HDLBP: variants seen among roughly 807,000 people sequenced by gnomAD.
HDLBP encodes the protein high density lipoprotein binding protein.
A neutral mutation model predicts 137.3 loss-of-function variants in HDLBP; 30 were observed. The observed-to-expected ratio is 0.22, with a 90% CI of 0.16 to 0.30. The LOEUF is 0.30. HDLBP is among the 10% of genes least tolerant of loss of function. HDLBP has a pLI of 1.00. For missense variants in HDLBP, 1,119 were observed against 1,667.3 expected (o/e 0.67, Z 5.73); for synonymous variants, 606 against 596.0 (o/e 1.02, Z -0.24).
Position 241,246,608 on chromosome 2 carries a change from A to G in HDLBP, c.1950+144T>C, listed in dbSNP as rs901464240. ...AAGGCAGAAAACTGCTGACCAACTC[A>G]TCAGTAGCCTGGATTGAAAGGTGCA... On this transcript the variant is annotated intron_variant, in intron 16 of 27. Coordinates refer to ENST00000310931, the MANE Select transcript of HDLBP (RefSeq NM_005336.6). The G allele has an allele frequency of 7.6e-6, 6 of 791,732 alleles. No homozygotes were observed. The African/African-American group carries it at 1.0e-4, about 14-fold the overall frequency. The allele number at this position is 791,732 out of a possible 1,614,324, so 49.0% of individuals were successfully genotyped here. A position where few individuals can be genotyped will look rare whatever the true frequency, so the allele number is the denominator to read the frequency against.
chr2:241,227,424 G>A lies in HDLBP; in HGVS notation c.*2177C>T, dbSNP rs150128377. 8 of 152,706 alleles carry A rather than the reference G, an allele frequency of 5.2e-5. No individual in the cohort carries two copies. The East Asian group carries it at 1.2e-3, about 22-fold the overall frequency. The allele number at this position is 152,706 out of a possible 1,614,324, so 9.5% of individuals were successfully genotyped here. ...GGGATGGATTGTAGCTATGGAAACA[G>A]ATGATATGGAAGACATCCAACAAGG... On this transcript the variant is annotated 3_prime_UTR_variant, in exon 28 of 28. Transcript: ENST00000310931.
Position 241,230,716 on chromosome 2 carries a change from G to T in HDLBP, c.3474+43C>A. 6.4e-7 allele frequency: 1 copy of T among 1,574,358 alleles called. No homozygotes were observed. Among genetic ancestry groups the T allele is most frequent in the Non-Finnish European group, 8.7e-7 (1 of 1,146,508 alleles). On this transcript the variant is annotated intron_variant, in intron 25 of 27. Transcript: ENST00000310931. The surrounding 1 kb of genome is among the most constrained non-coding windows in gnomAD (Gnocchi z 5.0). ...TTCTTCTGGCCAGCCAGGTGCCCCC[G>T]GTGAGAGAGGATTCTCACCCACTGT...
At chr2:241,266,627 C>A in intron 3 of HDLBP, 167 bp downstream of exon 3, 1 of 600,940 alleles carries the variant, frequency 1.7e-6, no homozygotes, top group South Asian at 2.0e-5. Flanking sequence ...GCCAGTCGCC[C>A]CTGCACGCAC....
chr2:241,299,783 C>T (rs543749213), intron 1 of HDLBP, among the ~76,000 whole-genome samples: 98 of 152,042 alleles, frequency 6.4e-4, no homozygotes, highest in Non-Finnish European at 1.1e-3. Context: ...CACATGATGG[C>T]GGGCACCCAT....
chr2:241,314,202 T>C (rs1440374271), intron 1 of HDLBP, among the ~76,000 whole-genome samples: 1 of 151,600 alleles, frequency 6.6e-6, no homozygotes, highest in Non-Finnish European at 1.5e-5. Flanking sequence ...CATCCTAATA[T>C]CATGTGTACT....
Position 241,238,838 on chromosome 2 carries a change from T to G in HDLBP, c.2611-51A>C, listed in dbSNP as rs2070879905. The G allele has an allele frequency of 6.9e-6, 10 of 1,454,224 alleles. No homozygotes were observed. The highest frequency in any genetic ancestry group is 8.3e-6 in the Non-Finnish European group (9 of 1,086,010). The allele number at this position is 1,454,224 out of a possible 1,614,324, so 90.1% of individuals were successfully genotyped here. A position where few individuals can be genotyped will look rare whatever the true frequency, so the allele number is the denominator to read the frequency against. ...AGAAAAGAGCAAAGATTAAATTCCT[T>G]AGGGCAAGTTTTACAGCACTCTTCA... On this transcript the variant is annotated intron_variant, in intron 19 of 27. Coordinates refer to ENST00000310931, the MANE Select transcript of HDLBP (RefSeq NM_005336.6). The surrounding 1 kb of genome is among the most constrained non-coding windows in gnomAD (Gnocchi z 4.9).
chr2:241,259,201 G>C (rs1280169619), intron 5 of HDLBP, among the ~76,000 whole-genome samples: 1 of 152,104 alleles, frequency 6.6e-6, no homozygotes, highest in Non-Finnish European at 1.5e-5. Flanking sequence ...AAGAAAAAAA[G>C]CAAGGCATAG....
chr2:241,251,639 G>A (rs989394215), intron 11 of HDLBP, among the ~76,000 whole-genome samples: 10 of 152,182 alleles, frequency 6.6e-5, no homozygotes, highest in African/African-American at 1.4e-4. Context: ...CAGAACACGC[G>A]AGTGTGTGAG....
At position 241,228,977 on chromosome 2, in the gene HDLBP, AC is replaced by A. The variant is rs1232610586; in HGVS notation, c.*623del. 3.9e-5 allele frequency: 6 copies of A among 152,766 alleles called. No individual in the cohort carries two copies. The East Asian group carries it at 1.2e-3, about 30-fold the overall frequency. The allele number at this position is 152,766 out of a possible 1,614,324, so 9.5% of individuals were successfully genotyped here. ...GGGCAGGGACCCTTGGTGCTTTCAG[AC>A]CCCACGGCAGGTAAAATCAGGACTG... On this transcript the variant is annotated 3_prime_UTR_variant, in exon 28 of 28. Transcript: ENST00000310931.
chr2:241,230,944 G>T lies in HDLBP; in HGVS notation c.3289C>A (p.Pro1097Thr). The change falls in exon 25 of 28, where the codon CCC (proline) becomes ACC (threonine). Residue 1097 changes from proline to threonine, a missense_variant and splice_region_variant. Pro to Thr is a conservative substitution (Grantham distance 38). Coordinates refer to ENST00000310931, the MANE Select transcript of HDLBP (RefSeq NM_005336.6). The surrounding 1 kb of genome is among the most constrained non-coding windows in gnomAD (Gnocchi z 5.0). ...QFPDKDDGNQ[P>T]QDQITITGYE... is the part of the protein sequence containing the mutation. ...CCTGTGATGGTAATTTGGTCCTGGG[G>T]CTAAAAAAGGAGAATGTAGTCAGAA... 1.2e-6 allele frequency: 2 copies of T among 1,611,662 alleles called. No individual in the cohort carries two copies. The highest frequency in any genetic ancestry group is 1.7e-6 in the Non-Finnish European group (2 of 1,177,896).
chr2:241,282,741 C>T (rs902089760), intron 1 of HDLBP, among the ~76,000 whole-genome samples: 6 of 152,172 alleles, frequency 3.9e-5, no homozygotes, highest in Non-Finnish European at 8.8e-5. Flanking sequence ...CACGCTCATA[C>T]AAGGCAGAGA....
intron 1 of HDLBP, among the ~76,000 whole-genome samples, chr2:241,304,679 A>G (rs2075510583): frequency 6.6e-6 from 1 of 152,250 alleles, no homozygotes; most frequent in South Asian, 2.1e-4. Context: ...ACAACTTTAC[A>G]GCGTGTATTT....
At chr2:241,286,715 T>G (rs28720077) in intron 1 of HDLBP, among the ~76,000 whole-genome samples, 9,221 of 152,134 alleles carry the variant, frequency 0.061, 946 homozygotes, top group African/African-American at 0.21. Flanking sequence ...CTAAATTAAC[T>G]GAGACTTGTC....
chr2:241,269,788 G>C (rs2073923396), intron 1 of HDLBP, among the ~76,000 whole-genome samples: 1 of 152,150 alleles, frequency 6.6e-6, no homozygotes, highest in Admixed American at 6.5e-5. Flanking sequence ...CCAAGTGTCT[G>C]TCCAGTCTGG....
In HDLBP at chr2:241,255,110, G is replaced by A; in HGVS notation, c.1129C>T (p.Arg377Cys). Residue 377 changes from arginine (R) to cysteine (C), a missense_variant, in exon 9 of 28, where the codon CGT becomes TGT. By Grantham distance (180) the Arg-to-Cys change is radical. Coordinates refer to ENST00000310931, the MANE Select transcript of HDLBP (RefSeq NM_005336.6). ...TGCCCTTTCTTGCCAATGATGAAAC[G>A]GTGAAGCCAGGAAGGGGCGGCGACA... ...SSVAAPSWLHRFIIGKKGQNL... is the reference protein window; with the variant it reads ...SSVAAPSWLHCFIIGKKGQNL... The A allele has an allele frequency of 3.1e-6, 5 of 1,614,134 alleles. No homozygotes were observed. The highest frequency in any genetic ancestry group is 4.2e-6 in the Non-Finnish European group (5 of 1,180,016).
intron 1 of HDLBP, among the ~76,000 whole-genome samples, chr2:241,294,405 G>C (rs1396204288): frequency 6.6e-6 from 1 of 152,188 alleles, no homozygotes; most frequent in Non-Finnish European, 1.5e-5. Flanking sequence ...ATGAGTAGAT[G>C]TTGCAGAGAT....
intron 1 of HDLBP, among the ~76,000 whole-genome samples, chr2:241,271,323 A>G (rs904747385): frequency 2.6e-5 from 4 of 152,344 alleles, no homozygotes; most frequent in African/African-American, 9.6e-5. Flanking sequence ...CCAAAGCAAA[A>G]AAGGTCACAT....
chr2:241,236,992 G>T (rs914528592), intron 20 of HDLBP, among the ~76,000 whole-genome samples: 2 of 140,602 alleles, frequency 1.4e-5, no homozygotes, highest in African/African-American at 2.6e-5. Flanking sequence ...GGGGGGGGGG[G>T]GGCGGCAATG....
Position 241,235,181 on chromosome 2 carries a change from G to T in HDLBP, c.3084C>A (p.Asp1028Glu). ...GCTCCAGCAGTCCAGCCTTGGCCCG[G>T]TCCAAATTTGCAGCGAGGCCCGTGA... The part of the protein sequence containing the change: ...IAITGLAANL[D>E]RAKAGLLERV... The change falls in exon 23 of 28, where the codon GAC (aspartate) becomes GAA (glutamate). Residue 1028 changes from aspartate (D) to glutamate (E), a missense_variant. By Grantham distance (45) the Asp-to-Glu change is conservative. Transcript: ENST00000310931. 6.2e-7 allele frequency: 1 copy of T among 1,614,174 alleles called. No homozygotes were observed. The highest frequency in any genetic ancestry group is 8.5e-7 in the Non-Finnish European group (1 of 1,180,042).
Sources: allele counts gnomAD v4.1 joint callset (sites outside exome capture counted in the v4.1 genomes callset), GRCh38; gene constraint gnomAD v4.1.1; non-coding constraint Gnocchi (gnomAD v3.1); transcripts MANE v1.5; gene names NCBI Gene and HGNC (gene_info 2026-07-23, HGNC 2026-07-21).